The following IGSF21 variants were observed in gnomAD, a reference collection of about 807,000 sequenced individuals.
IGSF21 encodes the protein immunoglobin superfamily member 21.
A neutral mutation model predicts 46.8 loss-of-function variants in IGSF21; 28 were observed. The ratio of observed to expected loss-of-function variants is 0.60; its 90% CI spans 0.44 to 0.82. The LOEUF (loss-of-function observed/expected upper bound fraction) is 0.82. Among genes scored for constraint, IGSF21 ranks in the 40% least tolerant of loss-of-function variants. IGSF21 has a pLI of 0.00. For missense variants in IGSF21, 624 were observed against 665.5 expected (o/e 0.94, Z 0.69); for synonymous variants, 284 against 273.6 (o/e 1.04, Z -0.38).
chr1:18,342,065 TTTTG>T (rs1553165078), intron 4 of IGSF21, among the ~76,000 whole-genome samples: 4 of 124,544 alleles, frequency 3.2e-5, no homozygotes, highest in African/African-American at 7.8e-5. Flanking sequence ...TTTTTTTTTT[TTTTG>T]TTTGTTTGTT....
At chr1:18,148,067 C>G (rs11261095) in intron 1 of IGSF21, among the ~76,000 whole-genome samples, 1 of 150,980 alleles carries the variant, frequency 6.6e-6, no homozygotes, top group South Asian at 2.1e-4. Context: ...CTCCCCAGCC[C>G]TGTGGAACTG....
At position 18,334,317 on chromosome 1, in the gene IGSF21, G is replaced by A. The variant is rs933042996; in HGVS notation, c.306-575G>A. On this transcript the variant is annotated intron_variant, in intron 3 of 9. Transcript: ENST00000251296. This position sits in a 1 kb window ranked among gnomAD's most constrained non-coding sequence, Gnocchi z 4.3. Reference sequence around the variant, plus strand: ...GCTCCTTTGGGACCTGAATTTTATTGTCTTTCTCTTCCATGATCTCAGGAC... The same window carrying A: ...GCTCCTTTGGGACCTGAATTTTATTATCTTTCTCTTCCATGATCTCAGGAC... Among the ~76,000 whole-genome samples, 2 of 152,154 alleles carry A rather than the reference G, an allele frequency of 1.3e-5. No homozygotes were observed. The highest frequency in any genetic ancestry group is 2.9e-5 in the Non-Finnish European group (2 of 68,022).
chr1:18,351,159 CT>C (rs1214602011), intron 4 of IGSF21, among the ~76,000 whole-genome samples: 1 of 152,150 alleles, frequency 6.6e-6, no homozygotes, highest in Non-Finnish European at 1.5e-5. Context: ...CTTCAGCCCC[CT>C]GACTCTCGGT....
At chr1:18,162,888 G>A (rs942358661) in intron 1 of IGSF21, among the ~76,000 whole-genome samples, 3 of 152,190 alleles carry the variant, frequency 2.0e-5, no homozygotes, top group Non-Finnish European at 4.4e-5. Flanking sequence ...TGGTAAGTGA[G>A]GTCCAGAAGG....
intron 2 of IGSF21, among the ~76,000 whole-genome samples, chr1:18,267,227 A>T (rs771755420): frequency 1.3e-5 from 2 of 152,318 alleles, no homozygotes; most frequent in Admixed American, 1.3e-4. Flanking sequence ...GGACCAGCTG[A>T]TTTGGGGAGA....
intron 1 of IGSF21, among the ~76,000 whole-genome samples, chr1:18,130,437 T>G (rs966685038): frequency 6.6e-6 from 1 of 152,206 alleles, no homozygotes; most frequent in African/African-American, 2.4e-5. Flanking sequence ...GGCCTCGTTT[T>G]CCTTACCAGA....
intron 2 of IGSF21, among the ~76,000 whole-genome samples, chr1:18,273,866 C>T (rs2124548715): frequency 6.6e-6 from 1 of 152,214 alleles, no homozygotes; most frequent in South Asian, 2.1e-4. Flanking sequence ...TGCTACCTCT[C>T]AGGCTCTATT....
chr1:18,148,129 CTTTTTT>C, intron 1 of IGSF21, among the ~76,000 whole-genome samples: 1 of 108,298 alleles, frequency 9.2e-6, no homozygotes, highest in Non-Finnish European at 1.7e-5. Flanking sequence ...CAAGTATGTC[CTTTTTT>C]TTTTTTTTTT....
chr1:18,181,080 G>C (rs1290470308), intron 1 of IGSF21, among the ~76,000 whole-genome samples: 3 of 152,160 alleles, frequency 2.0e-5, no homozygotes, highest in Non-Finnish European at 4.4e-5. Context: ...CTGCATCCAG[G>C]CTTCCCACCA....
intron 1 of IGSF21, among the ~76,000 whole-genome samples, chr1:18,219,078 T>C (rs1408411420): frequency 6.6e-6 from 1 of 152,174 alleles, no homozygotes; most frequent in African/African-American, 2.4e-5. Context: ...CACAGTCTCA[T>C]GGGGTGTACA....
At chr1:18,304,675 C>G (rs1283253429) in intron 3 of IGSF21, among the ~76,000 whole-genome samples, 1 of 151,136 alleles carries the variant, frequency 6.6e-6, no homozygotes, top group Non-Finnish European at 1.5e-5. Context: ...AGTCAGGAAA[C>G]CAGAGCTGTT....
intron 8 of IGSF21, 67 bp from the exon 9 acceptor site, chr1:18,377,326 G>C (rs970478072): frequency 1.4e-6 from 2 of 1,382,808 alleles, no homozygotes; most frequent in Admixed American, 3.3e-5. Flanking sequence ...CTGGGTAAAG[G>C]GCCATTCCTT....
chr1:18,374,442 C>T (rs919579726), intron 6 of IGSF21, among the ~76,000 whole-genome samples: 3 of 152,188 alleles, frequency 2.0e-5, no homozygotes, highest in African/African-American at 4.8e-5. Flanking sequence ...CCATGGTGCA[C>T]TTGGGAATGC....
At chr1:18,160,349 G>A (rs1570279961) in intron 1 of IGSF21, among the ~76,000 whole-genome samples, 1 of 152,176 alleles carries the variant, frequency 6.6e-6, no homozygotes, top group East Asian at 1.9e-4. Flanking sequence ...GAGAATACAT[G>A]ACATAAAGCA....
At chr1:18,185,529 G>T (rs2086895524) in intron 1 of IGSF21, among the ~76,000 whole-genome samples, 1 of 152,222 alleles carries the variant, frequency 6.6e-6, no homozygotes, top group Non-Finnish European at 1.5e-5. Context: ...TGCAGGTTGT[G>T]CAGCCTATAG....
chr1:18,376,122 G>C, intron 6 of IGSF21, 188 bp from the exon 7 acceptor site: 2 of 601,412 alleles, frequency 3.3e-6, no homozygotes, highest in Non-Finnish European at 6.2e-6. Flanking sequence ...CTGATTCATT[G>C]CATGGGCTTA....
intron 2 of IGSF21, among the ~76,000 whole-genome samples, chr1:18,291,342 G>A (rs547091917): frequency 6.6e-5 from 10 of 152,312 alleles, no homozygotes; most frequent in South Asian, 4.1e-4. Context: ...CGCCCGTGCC[G>A]GGATGTTGGA....
intron 2 of IGSF21, among the ~76,000 whole-genome samples, chr1:18,258,692 C>T (rs1214208740): frequency 1.3e-5 from 2 of 152,154 alleles, no homozygotes; most frequent in African/African-American, 4.8e-5. Flanking sequence ...GCTGTGTAAC[C>T]TTGGGCAGTT....
At chr1:18,264,351 A>G (rs1177820092) in intron 2 of IGSF21, among the ~76,000 whole-genome samples, 1 of 152,186 alleles carries the variant, frequency 6.6e-6, no homozygotes, top group Non-Finnish European at 1.5e-5. Flanking sequence ...TGAGGCATAT[A>G]GAACAACTCC....
Sources: gnomAD v4.1 joint callset for allele counts (sites outside exome capture counted in the v4.1 genomes callset) on GRCh38, gnomAD v4.1.1 for gene constraint, Gnocchi (gnomAD v3.1) non-coding constraint, MANE v1.5 for transcripts, NCBI Gene and HGNC (gene_info 2026-07-23, HGNC 2026-07-21) for gene names.